HORMAD2: variants seen among roughly 807,000 people sequenced by gnomAD.
HORMAD2 encodes the protein HORMA domain containing 2.
In HORMAD2, 45 loss-of-function variants were observed where a neutral mutation model predicts 38.8. The observed-to-expected ratio is 1.16, with a 90% CI of 0.91 to 1.49. The LOEUF (loss-of-function observed/expected upper bound fraction) is 1.49. HORMAD2 is among the 40% of genes most tolerant of loss of function. The probability of loss-of-function intolerance (pLI) is 0.00; values close to 1 mark genes in which losing one functional copy is unlikely to be tolerated. For synonymous variants in HORMAD2, 126 were observed against 122.8 expected (o/e 1.03, Z -0.17); for missense variants, 338 against 367.0 (o/e 0.92, Z 0.65).
chr22:30,119,115 C>A, intron 8 of HORMAD2, 68 bp downstream of exon 8: 4 of 1,067,556 alleles, frequency 3.7e-6, no homozygotes, highest in Middle Eastern at 2.0e-4. Context: ...CTTCTTGAGG[C>A]CAGAGAAAGG....
chr22:30,106,458 A>G (rs1478869893), intron 5 of HORMAD2, among the ~76,000 whole-genome samples: 2 of 152,190 alleles, frequency 1.3e-5, no homozygotes, highest in African/African-American at 2.4e-5. Flanking sequence ...GAAAGGAGGC[A>G]CTATACCCTG....
the HORMAD2 span, among the ~76,000 whole-genome samples, chr22:30,191,906 G>A: frequency 1.3e-5 from 2 of 151,980 alleles, no homozygotes. Flanking sequence ...ATATTAAGCA[G>A]ATTGGTTTCC....
At chr22:30,122,308 G>T in intron 10 of HORMAD2, 94 bp downstream of exon 10, 1 of 1,229,760 alleles carries the variant, frequency 8.1e-7, no homozygotes, top group Non-Finnish European at 1.1e-6. Flanking sequence ...GAGTGTGCCA[G>T]CTATAAAAAC....
intron 10 of HORMAD2, among the ~76,000 whole-genome samples, chr22:30,138,523 T>A (rs941978994): frequency 6.6e-6 from 1 of 152,128 alleles, no homozygotes; most frequent in African/African-American, 2.4e-5. Context: ...GGTGTAAGAG[T>A]TCTTTATATA....
intron 10 of HORMAD2, among the ~76,000 whole-genome samples, chr22:30,132,345 G>A (rs1758938621): frequency 6.6e-6 from 1 of 152,056 alleles, no homozygotes; most frequent in African/African-American, 2.4e-5. Context: ...ACTTTGGGAG[G>A]CCAAGGCGGG....
intron 10 of HORMAD2, among the ~76,000 whole-genome samples, chr22:30,164,443 A>G (rs1925651085): frequency 6.6e-6 from 1 of 152,198 alleles, no homozygotes; most frequent in Admixed American, 6.5e-5. Context: ...CAGTTTCTTC[A>G]CAGCATCCCC....
intron 5 of HORMAD2, among the ~76,000 whole-genome samples, chr22:30,108,551 T>C (rs1921379454): frequency 6.6e-6 from 1 of 152,014 alleles, no homozygotes; most frequent in Non-Finnish European, 1.5e-5. Flanking sequence ...AATATTTACT[T>C]CCCTAGGGAA....
intron 10 of HORMAD2, among the ~76,000 whole-genome samples, chr22:30,147,463 T>C (rs1469090962): frequency 6.6e-6 from 1 of 151,704 alleles, no homozygotes; most frequent in African/African-American, 2.4e-5. Flanking sequence ...GTACACAAGA[T>C]TGACTATAAA....
chr22:30,111,599 T>C (rs1326257478), intron 5 of HORMAD2, among the ~76,000 whole-genome samples, 197 bp from the exon 6 acceptor site: 1 of 152,216 alleles, frequency 6.6e-6, no homozygotes, highest in Non-Finnish European at 1.5e-5. Flanking sequence ...TTGGTATTCA[T>C]AGGGAGTCCT....
the HORMAD2 span, among the ~76,000 whole-genome samples, chr22:30,203,238 T>C: frequency 1.8e-5 from 1 of 54,642 alleles, no homozygotes; most frequent in Admixed American, 1.8e-4. Flanking sequence ...CTACAAAATA[T>C]ACAAAAATTA....
Position 30,132,607 on chromosome 22 carries a change from A to G in HORMAD2, c.819+10393A>G, listed in dbSNP as rs1433969767. 2.0e-5 allele frequency among the ~76,000 whole-genome samples: 3 copies of G among 151,936 alleles called. No homozygotes were observed. The East Asian group carries it at 5.8e-4, about 29-fold the overall frequency. On this transcript the variant is annotated intron_variant, in intron 10 of 10. Transcript: ENST00000336726. ...CATTCTTTCTTCATCATGAGACTCT[A>G]GTCCTTTTCATTAAGTTTCCTTTTG...
At chr22:30,150,439 C>G (rs1924680348) in intron 10 of HORMAD2, among the ~76,000 whole-genome samples, 1 of 152,078 alleles carries the variant, frequency 6.6e-6, no homozygotes, top group African/African-American at 2.4e-5. Context: ...TATATAGAGT[C>G]TTTCTCTCTG....
the HORMAD2 span, chr22:30,184,541 G>A: frequency 6.6e-6 from 1 of 151,968 alleles, no homozygotes; most frequent in Non-Finnish European, 1.5e-5. Flanking sequence ...ACCTTAAAAT[G>A]CTATTTTAAT....
At chr22:30,192,103 G>A in the HORMAD2 span, 1 of 152,270 alleles carries the variant, frequency 6.6e-6, no homozygotes, top group Non-Finnish European at 1.5e-5. Flanking sequence ...AGTTGATGCT[G>A]ATTGTCAGTG....
At chr22:30,105,263 C>CCA (rs1188305248) in intron 5 of HORMAD2, 1 of 172,362 alleles carries the variant, frequency 5.8e-6, no homozygotes, top group Non-Finnish European at 1.3e-5. Context: ...CAGGGTGAAG[C>CCA]CACACACCTC....
downstream of HORMAD2, among the ~76,000 whole-genome samples, chr22:30,180,275 C>T (rs1161865990): frequency 5.3e-5 from 8 of 152,112 alleles, no homozygotes; most frequent in East Asian, 1.2e-3. Context: ...GAGAGGCAGG[C>T]TGCTTGAGAT....
Position 30,176,106 on chromosome 22 carries a change from G to A in HORMAD2, c.863G>A (p.Cys288Tyr). Residue 288 changes from cysteine (C) to tyrosine (Y), a missense_variant, in exon 11 of 11, where the codon TGC becomes TAC. Coordinates refer to ENST00000336726, the MANE Select transcript of HORMAD2 (RefSeq NM_152510.4). Reference protein sequence around the residue: ...NFVCSQQSSECSRKKRKVSEP... With the variant: ...NFVCSQQSSEYSRKKRKVSEP... Reference sequence around the variant, plus strand: ...GTGTGCAGTCAGCAAAGTTCTGAGTGCTCCAGGAAGAAGAGGAAGGTCAGT... The same window carrying A: ...GTGTGCAGTCAGCAAAGTTCTGAGTACTCCAGGAAGAAGAGGAAGGTCAGT... The A allele has an allele frequency of 6.2e-7, 1 of 1,613,424 alleles. No individual in the cohort carries two copies. Among genetic ancestry groups the A allele is most frequent in the African/African-American group, 1.3e-5 (1 of 75,008 alleles).
intron 10 of HORMAD2, among the ~76,000 whole-genome samples, chr22:30,158,929 C>G (rs1365461648): frequency 1.3e-5 from 2 of 152,058 alleles, no homozygotes; most frequent in Admixed American, 6.6e-5. Context: ...AAGCAATCTG[C>G]ACACCTCGGC....
At chr22:30,100,826 GA>G (rs1243428575) in intron 3 of HORMAD2, among the ~76,000 whole-genome samples, 5 of 152,036 alleles carry the variant, frequency 3.3e-5, no homozygotes, top group African/African-American at 1.2e-4. Context: ...ACAAACATAT[GA>G]AAAAAAGCTC....
Sources: gnomAD v4.1 joint callset for allele counts (sites outside exome capture counted in the v4.1 genomes callset) on GRCh38, gnomAD v4.1.1 for gene constraint, MANE v1.5 for transcripts, NCBI Gene and HGNC (gene_info 2026-07-23, HGNC 2026-07-21) for gene names.